The following PCDH15 variants were observed in gnomAD, a reference collection of about 807,000 sequenced individuals.
The protein encoded by PCDH15 is protocadherin-15.
A neutral mutation model predicts 178.5 loss-of-function variants in PCDH15; 129 were observed. The ratio of observed to expected loss-of-function variants is 0.72; its 90% CI spans 0.63 to 0.84. PCDH15 has a LOEUF of 0.84. Among genes scored for constraint, PCDH15 ranks in the 40% least tolerant of loss-of-function variants. The pLI, the probability that PCDH15 is intolerant of heterozygous loss-of-function variation, is 0.00. For synonymous variants in PCDH15, 800 were observed against 732.0 expected, an observed-to-expected ratio of 1.09 and a Z score of -1.50; for missense variants, 2,230 against 2,099.9, an observed-to-expected ratio of 1.06 and a Z score of -1.21.
intron 26 of PCDH15, among the ~76,000 whole-genome samples, chr10:53,901,853 A>G (rs1314801105): frequency 2.0e-5 from 3 of 152,306 alleles, no homozygotes; most frequent in Middle Eastern, 3.4e-3. Flanking sequence ...TTTCTTATCT[A>G]AAATTGCACC....
At chr10:54,112,713 A>G (rs1564448093) in intron 15 of PCDH15, among the ~76,000 whole-genome samples, 1 of 152,182 alleles carries the variant, frequency 6.6e-6, no homozygotes, top group Non-Finnish European at 1.5e-5. Flanking sequence ...AAATGTTCCC[A>G]ATAGAGGTCA....
chr10:54,853,404 C>T (rs200377335), intron 3 of PCDH15, among the ~76,000 whole-genome samples: 2 of 89,808 alleles, frequency 2.2e-5, no homozygotes, highest in African/African-American at 7.3e-5. Flanking sequence ...TATACACACA[C>T]ATATATATAC....
chr10:55,005,218 A>ATAC (rs1157576553), intron 2 of PCDH15, among the ~76,000 whole-genome samples: 1 of 139,736 alleles, frequency 7.2e-6, no homozygotes, highest in Non-Finnish European at 1.6e-5. Context: ...AATAATAATA[A>ATAC]TAATAATAAT....
In PCDH15 at chr10:54,655,248, AAGAAAGAAAGAGAGAGAG is replaced by A. The variant is rs2094354755; in HGVS notation, c.91+8906_91+8923del. The stretch of plus-strand genomic sequence containing the variant: ...AGGAAGGGAGGAAGGGAAAGAAAGA[AAGAAAGAAAGAGAGAGAG>A]AGAGAGAGAGAGAGAGAGAGAGAGA... On this transcript the variant is annotated intron_variant, in intron 2 of 37. Coordinates refer to ENST00000644397, the MANE Select transcript of PCDH15 (RefSeq NM_001384140.1). Among the ~76,000 whole-genome samples, 7 of 65,724 alleles carry A rather than the reference AAGAAAGAAAGAGAGAGAG, an allele frequency of 1.1e-4. No homozygotes were observed. In the South Asian group the frequency reaches 3.7e-3, roughly 34 times the overall value. The allele number at this position is 65,724 out of a possible 152,430, so 43.1% of individuals were successfully genotyped here.
At chr10:54,072,350 C>G (rs2094260647) in intron 17 of PCDH15, among the ~76,000 whole-genome samples, 1 of 152,080 alleles carries the variant, frequency 6.6e-6, no homozygotes, top group Admixed American at 6.6e-5. Flanking sequence ...CAGTTCAGAG[C>G]CAAGCCAACT....
At chr10:54,176,585 C>T (rs1324521897) in intron 13 of PCDH15, among the ~76,000 whole-genome samples, 1 of 152,078 alleles carries the variant, frequency 6.6e-6, no homozygotes, top group Non-Finnish European at 1.5e-5. Context: ...GGAGATGAAA[C>T]AAATATATTT....
chr10:53,859,615 A>G (rs2078973534), intron 27 of PCDH15, among the ~76,000 whole-genome samples: 1 of 151,674 alleles, frequency 6.6e-6, no homozygotes, highest in African/African-American at 2.4e-5. Context: ...TCAAAAATAG[A>G]CCCTTCATTA....
At chr10:54,560,188 T>C (rs573793254) in intron 2 of PCDH15, among the ~76,000 whole-genome samples, 1 of 152,198 alleles carries the variant, frequency 6.6e-6, no homozygotes, top group African/African-American at 2.4e-5. Context: ...AATGTCCGCC[T>C]ATAGAAGATT....
intron 1 of PCDH15, among the ~76,000 whole-genome samples, chr10:55,317,525 T>C (rs565329822): frequency 6.6e-6 from 1 of 152,172 alleles, no homozygotes; most frequent in South Asian, 2.1e-4. Context: ...AATAGGGTTA[T>C]AGTCTATAAT....
At chr10:54,530,934 G>T (rs890427784) in intron 2 of PCDH15, among the ~76,000 whole-genome samples, 1 of 152,098 alleles carries the variant, frequency 6.6e-6, no homozygotes, top group African/African-American at 2.4e-5. Context: ...AATTAGTTTT[G>T]AAGTGCACAA....
intron 21 of PCDH15, among the ~76,000 whole-genome samples, chr10:53,983,257 T>A (rs894829643): frequency 6.6e-6 from 1 of 151,266 alleles, no homozygotes; most frequent in African/African-American, 2.4e-5. Flanking sequence ...TGTGTATACA[T>A]ATACACACAC....
intron 10 of PCDH15, among the ~76,000 whole-genome samples, chr10:54,197,554 A>G (rs1180520590): frequency 6.6e-6 from 1 of 152,162 alleles, no homozygotes; most frequent in Non-Finnish European, 1.5e-5. Context: ...AAAATATTTG[A>G]TATTAAACTC....
intron 22 of PCDH15, 68 bp from the exon 23 acceptor site, chr10:53,959,912 A>C: frequency 8.3e-7 from 1 of 1,210,100 alleles, no homozygotes; most frequent in Non-Finnish European, 1.2e-6. Flanking sequence ...CAATTTTTAT[A>C]TGTATGTTTT....
At position 55,318,714 on chromosome 10, in the gene PCDH15, T is replaced by C. The variant is rs144547658; in HGVS notation, c.-156+885A>G. Among the ~76,000 whole-genome samples, 788 of 152,198 alleles carry C rather than the reference T, an allele frequency of 5.2e-3. 11 individuals carry two copies. Among genetic ancestry groups the C allele is most frequent in the African/African-American group, 0.018 (742 of 41,544 alleles). ...AGAGAAAATATTTGAAAGTATAATA[T>C]CCCAAAATTGCTCAAGTACATTTAT... On this transcript the variant is annotated intron_variant, in intron 1 of 5. Coordinates refer to the PCDH15 transcript ENST00000458638.
chr10:54,696,388 A>G (rs865946255), intron 1 of PCDH15, among the ~76,000 whole-genome samples: 8 of 152,034 alleles, frequency 5.3e-5, no homozygotes, highest in African/African-American at 1.9e-4. Context: ...GGATGAATAC[A>G]AAAAAAGTGG....
intron 1 of PCDH15, among the ~76,000 whole-genome samples, chr10:54,708,779 C>CGTGTGTGT (rs145197882): frequency 0.11 from 16,489 of 150,002 alleles, 950 homozygotes; most frequent in East Asian, 0.19. Flanking sequence ...GCCAGAATAA[C>CGTGTGTGT]GTGTGTGTGT....
At chr10:55,109,468 A>C (rs1430424942) in intron 2 of PCDH15, among the ~76,000 whole-genome samples, 2 of 152,188 alleles carry the variant, frequency 1.3e-5, no homozygotes, top group Admixed American at 1.3e-4. Flanking sequence ...TCCATTGCTT[A>C]AATGTCTAGA....
At chr10:54,089,543 A>G (rs1305511961) in intron 16 of PCDH15, among the ~76,000 whole-genome samples, 1 of 152,202 alleles carries the variant, frequency 6.6e-6, no homozygotes, top group Non-Finnish European at 1.5e-5. Context: ...GTTTGGCATG[A>G]ACACGTATTT....
intron 2 of PCDH15, among the ~76,000 whole-genome samples, chr10:55,465,460 G>A (rs534935404): frequency 6.6e-6 from 1 of 152,204 alleles, no homozygotes; most frequent in East Asian, 1.9e-4. Flanking sequence ...GCTGCAACTA[G>A]GACCAATGGC....
Sources: allele counts gnomAD v4.1 joint callset (sites outside exome capture counted in the v4.1 genomes callset), GRCh38; gene constraint gnomAD v4.1.1; transcripts MANE v1.5; gene names NCBI Gene and HGNC (gene_info 2026-07-23, HGNC 2026-07-21).